Variants in EIF5 observed in about 807,000 individuals in gnomAD.
EIF5 encodes the protein eukaryotic translation initiation factor 5.
In EIF5, 10 loss-of-function variants were observed where a neutral mutation model predicts 48.3. The ratio of observed to expected loss-of-function variants is 0.21; its 90% CI spans 0.13 to 0.35. EIF5 has a LOEUF of 0.35. Ranked by LOEUF, EIF5 falls within the 10% of genes least tolerant of loss-of-function variation. EIF5 has a pLI of 1.00. For missense variants in EIF5, 397 were observed against 533.2 expected (o/e 0.74, Z 2.51); for synonymous variants, 237 against 173.1 (o/e 1.37, Z -2.90).
chr14:103,338,993 C>T, intron 8 of EIF5, 100 bp downstream of exon 8: 35 of 1,504,098 alleles, frequency 2.3e-5, no homozygotes, highest in Non-Finnish European at 3.0e-5. Context: ...TACTCTAATG[C>T]ACGACTTTTT....
At position 103,342,619 on chromosome 14, in the gene EIF5, T is replaced by A. The variant is rs571605183; in HGVS notation, c.*1567T>A. ...ATTGAAATGATAGAAACATTTGATG[T>A]AATAAAACTTGGTTGGCTTGATATT... On this transcript the variant is annotated 3_prime_UTR_variant, in exon 12 of 12. Coordinates refer to ENST00000216554, the MANE Select transcript of EIF5 (RefSeq NM_001969.5). 31 of 152,714 alleles carry A rather than the reference T, an allele frequency of 2.0e-4. No individual in the cohort carries two copies. Among genetic ancestry groups the A allele is most frequent in the African/African-American group, 7.5e-4 (31 of 41,574 alleles). 9.5% of individuals were successfully genotyped at this position (152,714 alleles called of 1,614,324 possible). A position where few individuals can be genotyped will look rare whatever the true frequency, so the allele number is the denominator to read the frequency against.
In EIF5 at chr14:103,342,075, A is replaced by G. The variant is rs546379930; in HGVS notation, c.*1023A>G. On this transcript the variant is annotated 3_prime_UTR_variant, in exon 12 of 12. Transcript: ENST00000216554. ...TGGACACATAGTTTATGCTTTTTAGATTTTGGTTGCTTTCTTGCCAAAATA... is the reference window on the plus strand; with the variant it reads ...TGGACACATAGTTTATGCTTTTTAGGTTTTGGTTGCTTTCTTGCCAAAATA... 6.6e-6 allele frequency: 1 copy of G among 152,084 alleles called. No homozygotes were observed. Among genetic ancestry groups the G allele is most frequent in the Non-Finnish European group, 1.5e-5 (1 of 67,932 alleles). 9.4% of individuals were successfully genotyped at this position (152,084 alleles called of 1,614,324 possible).
chr14:103,336,577 G>A, intron 4 of EIF5, 100 bp from the exon 5 acceptor site: 1 of 1,219,306 alleles, frequency 8.2e-7, no homozygotes, highest in Non-Finnish European at 1.1e-6. Flanking sequence ...TGAGACTCTT[G>A]TCTCAAAAAA....
intron 3 of EIF5, 24 bp downstream of exon 3, chr14:103,335,956 G>C (rs772130582): frequency 6.2e-7 from 1 of 1,614,066 alleles, no homozygotes; most frequent in Non-Finnish European, 8.5e-7. Flanking sequence ...CTTCAATTTA[G>C]TTGATAGCTC....
intron 4 of EIF5, 125 bp downstream of exon 4, chr14:103,336,242 G>A (rs1040123645): frequency 3.9e-6 from 4 of 1,016,524 alleles, no homozygotes; most frequent in Non-Finnish European, 5.7e-6. Flanking sequence ...AGGAACCGTG[G>A]TTTATTGGTT....
At chr14:103,336,927 G>A in intron 5 of EIF5, 78 bp downstream of exon 5, 1 of 1,490,558 alleles carries the variant, frequency 6.7e-7, no homozygotes, top group Non-Finnish European at 9.0e-7. Flanking sequence ...TTCCTGAGAA[G>A]GCAGAGCAAA....
In EIF5 at chr14:103,341,522, ATTAAT is replaced by A. The variant is rs2089352317; in HGVS notation, c.*474_*478del. 1 of 156,748 alleles carries A rather than the reference ATTAAT, an allele frequency of 6.4e-6. No individual in the cohort carries two copies. The highest frequency in any genetic ancestry group is 1.4e-5 in the Non-Finnish European group (1 of 70,418). The allele number at this position is 156,748 out of a possible 1,614,324, so 9.7% of individuals were successfully genotyped here. ...AGGATGTAAAGCAAACTTAATTGTA[ATTAAT>A]TTATTCAGCCCATTAAGAAAGTACT... On this transcript the variant is annotated 3_prime_UTR_variant, in exon 12 of 12. Coordinates refer to ENST00000216554, the MANE Select transcript of EIF5 (RefSeq NM_001969.5).
At chr14:103,337,551 G>A (rs1361109704) in intron 6 of EIF5, 6 of 366,666 alleles carry the variant, frequency 1.6e-5, no homozygotes, top group Admixed American at 4.5e-5. Flanking sequence ...GCACTGAGCT[G>A]AGATCGTGCC....
At position 103,342,121 on chromosome 14, in the gene EIF5, CTTG is replaced by C. The variant is rs1375017751; in HGVS notation, c.*1070_*1072del. 2 of 152,382 alleles carry C rather than the reference CTTG, an allele frequency of 1.3e-5. No homozygotes were observed. The highest frequency in any genetic ancestry group is 4.8e-5 in the African/African-American group (2 of 41,370). The allele number at this position is 152,382 out of a possible 1,614,324, so 9.4% of individuals were successfully genotyped here. On this transcript the variant is annotated 3_prime_UTR_variant, in exon 12 of 12. Coordinates refer to ENST00000216554, the MANE Select transcript of EIF5 (RefSeq NM_001969.5). ...AAATAAGTGTTAACTGTGTTTCAAACTTGATTTTCTTTCCTTTTTCTTTTTTTT... is the reference window on the plus strand; with the variant it reads ...AAATAAGTGTTAACTGTGTTTCAAACATTTTCTTTCCTTTTTCTTTTTTTT...
intron 10 of EIF5, 144 bp from the exon 11 acceptor site, chr14:103,340,283 A>G (rs1027162330): frequency 1.2e-6 from 1 of 821,292 alleles, no homozygotes; most frequent in Non-Finnish European, 2.0e-6. Context: ...TGCTGAGACT[A>G]ACGTGTTCAC....
rs1336451265 is a variant in EIF5 at position 103,338,860 on chromosome 14, G to A, written c.711G>A (p.Glu237=). 6.2e-7 allele frequency: 1 copy of A among 1,614,144 alleles called. No individual in the cohort carries two copies. Among genetic ancestry groups the A allele is most frequent in the Non-Finnish European group, 8.5e-7 (1 of 1,180,030 alleles). ...TLSDDLERTI[E]ERVNILFDFV... ...GTGATGATTTGGAAAGAACAATTGA[G>A]GAGAGGGTCAATATCCTCTTTGATT... Residue 237 remains glutamate, a synonymous_variant, in exon 8 of 12, where the codon GAG becomes GAA. Transcript: ENST00000216554.
At chr14:103,340,820 C>T in intron 11 of EIF5, 143 bp from the exon 12 acceptor site, 1 of 918,172 alleles carries the variant, frequency 1.1e-6, no homozygotes, top group East Asian at 2.6e-5. Flanking sequence ...AGAGAACTTG[C>T]AGTGTTTGCA....
intron 4 of EIF5, 89 bp downstream of exon 4, chr14:103,336,206 T>C (rs776887939): frequency 7.8e-7 from 1 of 1,279,802 alleles, no homozygotes. Flanking sequence ...AATTGTATGC[T>C]AGCTAATTAC....
chr14:103,338,797 G>A lies in EIF5; in HGVS notation c.648G>A (p.Met216Ile). The A allele has an allele frequency of 6.2e-7, 1 of 1,614,180 alleles. No homozygotes were observed. Among genetic ancestry groups the A allele is most frequent in the Non-Finnish European group, 8.5e-7 (1 of 1,180,030 alleles). Reference sequence around the variant, plus strand: ...CTGAGGAAGCTCAAAGGCGTCGAATGGATGAAATCAGTGACCATGCAAAAG... The same window carrying A: ...CTGAGGAAGCTCAAAGGCGTCGAATAGATGAAATCAGTGACCATGCAAAAG... ...DTTEEAQRRR[M>I]DEISDHAKVL... The change falls in exon 8 of 12, where the codon ATG (methionine) becomes ATA (isoleucine). Residue 216 changes from methionine to isoleucine, a missense_variant. Met to Ile is a conservative substitution (Grantham distance 10). This residue lies in a region of EIF5 where 126 missense variants were observed against 141.9 expected (regional missense o/e 0.89). Coordinates refer to ENST00000216554, the MANE Select transcript of EIF5 (RefSeq NM_001969.5).
Position 103,342,097 on chromosome 14 carries a change from A to G in EIF5, c.*1045A>G, listed in dbSNP as rs947806149. 13 of 152,510 alleles carry G rather than the reference A, an allele frequency of 8.5e-5. No individual in the cohort carries two copies. The highest frequency in any genetic ancestry group is 3.1e-4 in the African/African-American group (13 of 41,424). The allele number at this position is 152,510 out of a possible 1,614,324, so 9.4% of individuals were successfully genotyped here. The stretch of plus-strand genomic sequence containing the variant: ...TAGATTTTGGTTGCTTTCTTGCCAA[A>G]ATAAGTGTTAACTGTGTTTCAAACT... On this transcript the variant is annotated 3_prime_UTR_variant, in exon 12 of 12. Transcript: ENST00000216554.
At chr14:103,339,374 G>C (rs1298125073) in intron 9 of EIF5, 41 bp downstream of exon 9, 1 of 1,561,830 alleles carries the variant, frequency 6.4e-7, no homozygotes, top group South Asian at 1.2e-5. Flanking sequence ...GATTACAGTT[G>C]TGTGGCTTTC....
At chr14:103,336,174 T>G (rs992929043) in intron 4 of EIF5, 57 bp downstream of exon 4, 47 of 1,523,918 alleles carry the variant, frequency 3.1e-5, no homozygotes, top group Non-Finnish European at 4.0e-5. Flanking sequence ...CTTCAAAGTC[T>G]TTGAGCTGCA....
chr14:103,338,606 T>C (rs938181271), intron 7 of EIF5, 129 bp from the exon 8 acceptor site: 2 of 1,503,920 alleles, frequency 1.3e-6, no homozygotes, highest in African/African-American at 1.4e-5. Flanking sequence ...AAGTACTGTT[T>C]GTTGTTTGAA....
At position 103,337,193 on chromosome 14, in the gene EIF5, T is replaced by C. The variant is rs149054732; in HGVS notation, c.405T>C (p.His135=). 7.6e-5 allele frequency: 122 copies of C among 1,613,562 alleles called. 1 individual carries two copies. Among genetic ancestry groups the C allele is most frequent in the Non-Finnish European group, 1.0e-4 (118 of 1,179,896 alleles). ...ATCGAGGCATGCTTGACACACATCA[T>C]AAACTCTGCACATTCATTCTCAAAA... ...CGYRGMLDTH[H]KLCTFILKNP... is the part of the protein sequence containing the mutation. The change falls in exon 6 of 12, where the codon CAT becomes CAC. Residue 135 remains histidine (H), a synonymous_variant. Coordinates refer to ENST00000216554, the MANE Select transcript of EIF5 (RefSeq NM_001969.5).
Sources: allele counts gnomAD v4.1 joint callset, GRCh38; gene constraint gnomAD v4.1.1; regional missense constraint gnomAD v4.1.1; transcripts MANE v1.5; gene names NCBI Gene and HGNC (gene_info 2026-07-23, HGNC 2026-07-21).